PLIN2: variants seen among roughly 807,000 people sequenced by gnomAD.
The protein encoded by PLIN2 is perilipin 2.
Under a neutral mutation model 30.6 loss-of-function variants are expected in PLIN2, and 33 were observed. The ratio of observed to expected loss-of-function variants is 1.08; its 90% CI spans 0.82 to 1.44. PLIN2 has a LOEUF of 1.44. Ranked by LOEUF, PLIN2 falls within the 40% of genes most tolerant of loss-of-function variation. The probability of loss-of-function intolerance (pLI) is 0.00; values close to 1 mark genes in which losing one functional copy is unlikely to be tolerated. For missense variants in PLIN2, 610 were observed against 531.8 expected (o/e 1.15, Z -1.45); for synonymous variants, 205 against 201.1 (o/e 1.02, Z -0.16).
intron 2 of PLIN2, among the ~76,000 whole-genome samples, chr9:19,110,090 C>A (rs1389199367): frequency 2.6e-5 from 4 of 152,098 alleles, no homozygotes; most frequent in Admixed American, 6.6e-5. Flanking sequence ...GTGGCGTAAT[C>A]TCAGCTGTCT....
Position 19,118,429 on chromosome 9 carries a change from A to C in PLIN2, c.804T>G (p.Tyr268Ter). Residue 268 changes from tyrosine (Y) to a stop codon, truncating the protein, a stop_gained, in exon 7 of 8, where the codon TAT (tyrosine) becomes TAG (stop). Transcript: ENST00000276914. LOFTEE classifies it high-confidence loss of function. ...CATCCTGAATTTTCTGATTGGCACT[A>C]TACACATTCTTCCTGGCAAATTCAA... ...HLIEFARKNV[Y>*]SANQKIQDAQ... 1 of 1,613,742 alleles carries C rather than the reference A, an allele frequency of 6.2e-7. No individual in the cohort carries two copies. Among genetic ancestry groups the C allele is most frequent in the Non-Finnish European group, 8.5e-7 (1 of 1,179,866 alleles).
Position 19,119,823 on chromosome 9 carries a change from CT to C in PLIN2, c.603del (p.Ala202GlnfsTer58). 6.4e-7 allele frequency: 1 copy of C among 1,560,034 alleles called. No individual in the cohort carries two copies. The highest frequency in any genetic ancestry group is 8.7e-7 in the Non-Finnish European group (1 of 1,147,872). On this transcript the variant is annotated frameshift_variant, in exon 6 of 8. Transcript: ENST00000276914. LOFTEE classifies it high-confidence loss of function. ...AGATCAAATCCTTCAACTTTTTTTG[CT>C]TCTTTTTCTGAAGTTAGAAATAAGA... ...LPLTEEELEK[E>X]AKKVEGFDLV... is the part of the protein sequence containing the mutation.
At chr9:19,119,872 C>A in intron 5 of PLIN2, 41 bp from the exon 6 acceptor site, 1 of 1,371,784 alleles carries the variant, frequency 7.3e-7, no homozygotes. Context: ...TAAGGGATCA[C>A]AGTGACAAGT....
At chr9:19,118,269 T>C in intron 7 of PLIN2, 52 bp downstream of exon 7, 2 of 1,515,546 alleles carry the variant, frequency 1.3e-6, no homozygotes, top group Non-Finnish European at 1.8e-6. Flanking sequence ...AAATGAAAAG[T>C]CTGATAAGAA....
intron 6 of PLIN2, among the ~76,000 whole-genome samples, chr9:19,119,426 G>C (rs1054026267): frequency 1.3e-5 from 2 of 152,212 alleles, no homozygotes; most frequent in African/African-American, 2.4e-5. Flanking sequence ...GGACAAGAGA[G>C]ATGTCAGTAT....
intron 2 of PLIN2, among the ~76,000 whole-genome samples, chr9:19,109,645 C>G (rs914606932): frequency 2.0e-5 from 3 of 150,530 alleles, no homozygotes; most frequent in Admixed American, 1.3e-4. Context: ...GATTACCTAA[C>G]AGAGGAAAAA....
chr9:19,111,080 C>A (rs867956774), downstream of PLIN2, among the ~76,000 whole-genome samples: 5 of 150,724 alleles, frequency 3.3e-5, no homozygotes, highest in Admixed American at 2.0e-4. Flanking sequence ...TTTTTTGAGA[C>A]GGAGTCTCGC....
intron 3 of PLIN2, 91 bp downstream of exon 3, chr9:19,126,023 G>A: frequency 3.9e-6 from 4 of 1,027,198 alleles, no homozygotes; most frequent in Non-Finnish European, 5.9e-6. Context: ...GCCCCAGGAA[G>A]GGCTGAGGAG....
chr9:19,126,747 A>G (rs1441858167), intron 1 of PLIN2, among the ~76,000 whole-genome samples: 1 of 152,250 alleles, frequency 6.6e-6, no homozygotes, highest in Non-Finnish European at 1.5e-5. Flanking sequence ...TCTGTTAACA[A>G]AAATGCTAGC....
chr9:19,125,045 A>G (rs1206366458), intron 3 of PLIN2, among the ~76,000 whole-genome samples: 1 of 152,234 alleles, frequency 6.6e-6, no homozygotes, highest in Non-Finnish European at 1.5e-5. Flanking sequence ...AAGACAAAGT[A>G]GATGAGTAGC....
At chr9:19,115,357 G>C (rs1244495694), downstream of PLIN2, among the ~76,000 whole-genome samples, 5 of 147,938 alleles carry the variant, frequency 3.4e-5, no homozygotes, top group Admixed American at 6.8e-5. Flanking sequence ...GCCCAGGCCA[G>C]AGCGCAGTGG....
At chr9:19,109,574 T>G (rs942924666) in intron 2 of PLIN2, among the ~76,000 whole-genome samples, 3 of 144,328 alleles carry the variant, frequency 2.1e-5, no homozygotes, top group African/African-American at 7.4e-5. Context: ...GAAAAAAAAT[T>G]AATAACATAA....
At chr9:19,112,222 A>G (rs550872667), downstream of PLIN2, among the ~76,000 whole-genome samples, 4 of 152,224 alleles carry the variant, frequency 2.6e-5, no homozygotes, top group South Asian at 8.3e-4. Context: ...AGGCAAAGGA[A>G]AAAACATTCT....
chr9:19,113,944 T>C (rs574309495), downstream of PLIN2, among the ~76,000 whole-genome samples: 1 of 152,106 alleles, frequency 6.6e-6, no homozygotes, highest in East Asian at 1.9e-4. Flanking sequence ...CCAGCTAATT[T>C]TTGTATTTTT....
In PLIN2 at chr9:19,118,442, C is replaced by T. The variant is rs1746410580; in HGVS notation, c.791G>A (p.Arg264Lys). The stretch of plus-strand genomic sequence containing the variant: ...CTGATTGGCACTATACACATTCTTC[C>T]TGGCAAATTCAATCTAGACACATTG... ...HSTVHLIEFA[R>K]KNVYSANQKI... Residue 264 changes from arginine (R) to lysine (K), a missense_variant, in exon 7 of 8, where the codon AGG (arginine) becomes AAG (lysine). Physicochemically the swap from Arg to Lys is conservative, Grantham distance 26. Transcript: ENST00000276914. The T allele has an allele frequency of 1.2e-6, 2 of 1,613,270 alleles. No homozygotes were observed. Among genetic ancestry groups the T allele is most frequent in the Non-Finnish European group, 8.5e-7 (1 of 1,179,834 alleles).
At chr9:19,108,595 G>A (rs1451049815) in exon 3 of PLIN2, 1 of 152,602 alleles carries the variant, frequency 6.6e-6, no homozygotes, top group Non-Finnish European at 1.5e-5. Flanking sequence ...ACCAAAAGGG[G>A]TATTTTATTG....
rs370972642 is a variant in PLIN2 at position 19,116,522 on chromosome 9, C to A, written c.1040G>T (p.Gly347Val). The change falls in exon 8 of 8, where the codon GGG becomes GTG. Residue 347 changes from glycine (G) to valine (V), a missense_variant. Coordinates refer to ENST00000276914, the MANE Select transcript of PLIN2 (RefSeq NM_001122.4). ...QNIQDQAKHMGVMAGDIYSVF... is the reference protein window; with the variant it reads ...QNIQDQAKHMVVMAGDIYSVF... ...TGAGTAGATGTCGCCTGCCATCACC[C>A]CCATGTGCTTGGCTTGATCTTGGAT... 16 of 1,614,022 alleles carry A rather than the reference C, an allele frequency of 9.9e-6. No individual in the cohort carries two copies. The African/African-American group carries it at 1.3e-4, about 13-fold the overall frequency.
In PLIN2 at chr9:19,126,316, T is replaced by C. The variant is rs745389439; in HGVS notation, c.31-7A>G. Reference sequence around the variant, plus strand: ...CCACCCGAGTCACCACACTCTGCAATCAAAGTAGGGAGGGTATGCTTATTA... The same window carrying C: ...CCACCCGAGTCACCACACTCTGCAACCAAAGTAGGGAGGGTATGCTTATTA... On this transcript the variant is annotated splice_polypyrimidine_tract_variant and splice_region_variant and intron_variant, in intron 2 of 7. Transcript: ENST00000276914. 6.2e-7 allele frequency: 1 copy of C among 1,613,522 alleles called. No individual in the cohort carries two copies. The highest frequency in any genetic ancestry group is 1.3e-5 in the African/African-American group (1 of 75,000).
intron 2 of PLIN2, among the ~76,000 whole-genome samples, chr9:19,109,869 T>C (rs1394448296): frequency 6.6e-6 from 1 of 151,484 alleles, no homozygotes. Context: ...GGCAGGAGAA[T>C]TACTTGAACC....
Sources: gnomAD v4.1 joint callset for allele counts (sites outside exome capture counted in the v4.1 genomes callset) on GRCh38, gnomAD v4.1.1 for gene constraint, MANE v1.5 for transcripts, NCBI Gene and HGNC (gene_info 2026-07-23, HGNC 2026-07-21) for gene names.